The following PM20D1 variants were observed in gnomAD, a reference collection of about 807,000 sequenced individuals.
PM20D1 encodes the protein N-fatty-acyl-amino acid synthase/hydrolase PM20D1.
PM20D1 carries 53 observed loss-of-function variants against 53.8 expected under a neutral mutation model. The observed-to-expected ratio is 0.98, with a 90% CI of 0.79 to 1.24. The LOEUF is 1.24. Among genes scored for constraint, PM20D1 ranks in the 50% most tolerant of loss-of-function variants. PM20D1 has a pLI of 0.00. For missense variants in PM20D1, 564 were observed against 616.8 expected, an observed-to-expected ratio of 0.91 and a Z score of 0.91; for synonymous variants, 239 against 241.3, an observed-to-expected ratio of 0.99 and a Z score of 0.09.
Position 205,828,523 on chromosome 1 carries a change from T to A in PM20D1, c.*97A>T. The A allele has an allele frequency of 6.7e-7, 1 of 1,500,682 alleles. No individual in the cohort carries two copies. Among genetic ancestry groups the A allele is most frequent in the Non-Finnish European group, 9.0e-7 (1 of 1,107,916 alleles). 93.0% of individuals were successfully genotyped at this position (1,500,682 alleles called of 1,614,324 possible). Reference sequence around the variant, plus strand: ...AAGACAGATGGGCAATGTTTTACAATGTGGTTTTGATCAAAAGTTTCATCA... The same window carrying A: ...AAGACAGATGGGCAATGTTTTACAAAGTGGTTTTGATCAAAAGTTTCATCA... On this transcript the variant is annotated 3_prime_UTR_variant, in exon 13 of 13. Transcript: ENST00000367136.
intron 8 of PM20D1, 22 bp downstream of exon 8, chr1:205,842,132 A>C (rs1182494537): frequency 6.2e-7 from 1 of 1,601,692 alleles, no homozygotes; most frequent in Non-Finnish European, 8.6e-7. Flanking sequence ...GGGATGTGAA[A>C]AAAGGAAAGA....
intron 10 of PM20D1, 144 bp downstream of exon 10, chr1:205,840,108 T>G: frequency 1.8e-6 from 1 of 570,142 alleles, no homozygotes; most frequent in Non-Finnish European, 2.9e-6. Flanking sequence ...TAATGAAGTA[T>G]CCGGTGCATA....
At chr1:205,834,446 C>T (rs777004735) in intron 10 of PM20D1, among the ~76,000 whole-genome samples, 5 of 152,240 alleles carry the variant, frequency 3.3e-5, no homozygotes, top group Non-Finnish European at 7.4e-5. Context: ...CGTGAGCCAC[C>T]GTGCCCGGCC....
intron 11 of PM20D1, 25 bp from the exon 12 acceptor site, chr1:205,830,404 A>G (rs1425891943): frequency 6.5e-7 from 1 of 1,531,792 alleles, no homozygotes; most frequent in South Asian, 1.1e-5. Context: ...TCAACAGGAA[A>G]GGGGCTTTAC....
intron 3 of PM20D1, 135 bp downstream of exon 3, chr1:205,845,190 C>T (rs1174034093): frequency 1.1e-6 from 1 of 892,538 alleles, no homozygotes. Flanking sequence ...AAGTGACAAA[C>T]TGATGGCTGG....
In PM20D1 at chr1:205,830,200, G is replaced by A. The variant is rs557037078; in HGVS notation, c.1385+80C>T. On this transcript the variant is annotated intron_variant, in intron 12 of 12. Coordinates refer to ENST00000367136, the MANE Select transcript of PM20D1 (RefSeq NM_152491.5). ...GGCTTTCCCCCTGATTCTGTGGACT[G>A]CCAGGAGCATGGGGTAGGAAAAGGA... 8.1e-5 allele frequency: 90 copies of A among 1,105,904 alleles called. No homozygotes were observed. The African/African-American group carries it at 1.3e-3, about 15-fold the overall frequency. 68.5% of individuals were successfully genotyped at this position (1,105,904 alleles called of 1,614,324 possible). A position where few individuals can be genotyped will look rare whatever the true frequency, so the allele number is the denominator to read the frequency against.
rs1250221657 is a variant in PM20D1 at position 205,845,344 on chromosome 1, TC to T, written c.469del (p.Asp157ThrfsTer6). On this transcript the variant is annotated frameshift_variant, in exon 3 of 13. Transcript: ENST00000367136. LOFTEE classifies it high-confidence loss of function. ...TCAGACCATCACAGAGTTCTTGTCG[TC>T]CAGTGTGCCCCGACCATAGATGATG... ...DGIIYGRGTL[D>X]DKNSVMALLQ... 6.2e-7 allele frequency: 1 copy of T among 1,613,818 alleles called. No individual in the cohort carries two copies. The highest frequency in any genetic ancestry group is 8.5e-7 in the Non-Finnish European group (1 of 1,179,834).
At chr1:205,839,307 C>T (rs1235179202) in intron 10 of PM20D1, among the ~76,000 whole-genome samples, 2 of 152,058 alleles carry the variant, frequency 1.3e-5, no homozygotes, top group Non-Finnish European at 2.9e-5. Context: ...CTTTTTTGAC[C>T]CTAAGAAGTA....
chr1:205,830,213 G>T, intron 12 of PM20D1, 67 bp downstream of exon 12: 1 of 1,214,540 alleles, frequency 8.2e-7, no homozygotes, highest in Non-Finnish European at 1.2e-6. Flanking sequence ...AGGAGCATGG[G>T]GTAGGAAAAG....
intron 6 of PM20D1, 137 bp downstream of exon 6, chr1:205,843,530 C>G (rs1404897168): frequency 1.6e-6 from 2 of 1,261,090 alleles, no homozygotes; most frequent in Middle Eastern, 2.8e-4. Context: ...TGTTCTTCCT[C>G]TAGTGTCAAT....
intron 6 of PM20D1, among the ~76,000 whole-genome samples, 181 bp downstream of exon 6, chr1:205,843,486 C>T (rs960603): frequency 0.36 from 54,421 of 152,056 alleles, 11,943 homozygotes; most frequent in Non-Finnish European, 0.48. Flanking sequence ...GTATTAATCA[C>T]CTGGATCTTT....
Position 205,843,652 on chromosome 1 carries a change from C to T in PM20D1, c.827+15G>A. On this transcript the variant is annotated intron_variant, in intron 6 of 12. Transcript: ENST00000367136. ...TCTCAAGTCTGGCATGGGAACAGGG[C>T]CAGGAGTTGCTTACCGGCTGACAGC... The T allele has an allele frequency of 6.2e-7, 1 of 1,611,488 alleles. No individual in the cohort carries two copies. The highest frequency in any genetic ancestry group is 8.5e-7 in the Non-Finnish European group (1 of 1,179,020).
intron 2 of PM20D1, among the ~76,000 whole-genome samples, chr1:205,846,215 G>A (rs991069348): frequency 1.3e-5 from 2 of 152,116 alleles, no homozygotes; most frequent in Admixed American, 1.3e-4. Context: ...GTGAAACCCC[G>A]TCTCTACTAA....
At chr1:205,832,539 T>C in intron 11 of PM20D1, 59 bp downstream of exon 11, 1 of 1,580,540 alleles carries the variant, frequency 6.3e-7, no homozygotes, top group South Asian at 1.1e-5. Context: ...AAGTAGACAT[T>C]GGATAGGAAA....
intron 12 of PM20D1, 108 bp downstream of exon 12, chr1:205,830,172 C>G: frequency 1.2e-6 from 1 of 838,892 alleles, no homozygotes; most frequent in South Asian, 1.7e-5. Context: ...TTTGCCAAAT[C>G]CTGGCTTTCC....
intron 4 of PM20D1, among the ~76,000 whole-genome samples, 162 bp from the exon 5 acceptor site, chr1:205,844,379 C>T (rs532412384): frequency 2.6e-5 from 4 of 152,290 alleles, no homozygotes; most frequent in Admixed American, 1.3e-4. Context: ...TTACAGAATT[C>T]TGGAATGTCA....
chr1:205,846,364 T>C (rs1451943220), intron 2 of PM20D1, among the ~76,000 whole-genome samples: 2 of 151,850 alleles, frequency 1.3e-5, no homozygotes, highest in Non-Finnish European at 2.9e-5. Flanking sequence ...CCAGCCTGGC[T>C]GACACAGCAA....
In PM20D1 at chr1:205,842,703, C is replaced by T. The variant is rs1392950842; in HGVS notation, c.876G>A (p.Val292=). 6.2e-7 allele frequency: 1 copy of T among 1,613,974 alleles called. No homozygotes were observed. The highest frequency in any genetic ancestry group is 8.5e-7 in the Non-Finnish European group (1 of 1,180,032). Residue 292 remains valine (V), a synonymous_variant, in exon 7 of 13, where the codon GTG becomes GTA. Coordinates refer to ENST00000367136, the MANE Select transcript of PM20D1 (RefSeq NM_152491.5). The part of the protein sequence containing the change: ...MPIIFGSGTV[V]TVLQQLANEF... ...CATTTGCCAGTTGCTGCAATACAGTCACCACTGTCCCGCTTCCAAATATGA... is the reference window on the plus strand; with the variant it reads ...CATTTGCCAGTTGCTGCAATACAGTTACCACTGTCCCGCTTCCAAATATGA...
chr1:205,850,014 G>A lies in PM20D1; in HGVS notation c.59C>T (p.Pro20Leu). 1 of 1,614,168 alleles carries A rather than the reference G, an allele frequency of 6.2e-7. No individual in the cohort carries two copies. The highest frequency in any genetic ancestry group is 1.3e-5 in the African/African-American group (1 of 75,044). The change falls in exon 1 of 13, where the codon CCT (proline) becomes CTT (leucine). Residue 20 changes from proline to leucine, a missense_variant. By Grantham distance (98) the Pro-to-Leu change is moderately conservative. Coordinates refer to ENST00000367136, the MANE Select transcript of PM20D1 (RefSeq NM_152491.5). ...ALVAMLLLVF[P>L]TVSRSMGPRS... ...CGGGCCCATCGATCTGGAGACGGTA[G>A]GGAAAACTAGGAGCAGCATAGCCAC...
Sources: gnomAD v4.1 joint callset for allele counts (sites outside exome capture counted in the v4.1 genomes callset) on GRCh38, gnomAD v4.1.1 for gene constraint, MANE v1.5 for transcripts, NCBI Gene and HGNC (gene_info 2026-07-23, HGNC 2026-07-21) for gene names.